Variants in HSF2 observed in about 807,000 individuals in gnomAD.
The protein encoded by HSF2 is heat shock factor protein 2.
Under a neutral mutation model 65.0 loss-of-function variants are expected in HSF2, and 21 were observed. The observed-to-expected ratio is 0.32, with a 90% CI of 0.23 to 0.47. The LOEUF (loss-of-function observed/expected upper bound fraction) is 0.47, where lower values mean the gene tolerates loss of function less well. Ranked by LOEUF, HSF2 falls within the 20% of genes least tolerant of loss-of-function variation. HSF2 has a pLI of 1.00. For synonymous variants in HSF2, 225 were observed against 219.1 expected (o/e 1.03, Z -0.24); for missense variants, 499 against 628.1 (o/e 0.79, Z 2.20).
chr6:122,412,776 T>TG lies in HSF2; in HGVS notation c.330+13dup. The TG allele has an allele frequency of 6.2e-7, 1 of 1,611,870 alleles. No homozygotes were observed. Among genetic ancestry groups the TG allele is most frequent in the Non-Finnish European group, 8.5e-7 (1 of 1,178,326 alleles). On this transcript the variant is annotated intron_variant, in intron 3 of 12. Transcript: ENST00000368455. Reference sequence around the variant, plus strand: ...ACATTAAAAGGAAGGTGAGCTATTGTGAACGTGAGCTAATTAGGGTATTGA... The same window carrying TG: ...ACATTAAAAGGAAGGTGAGCTATTGTGGAACGTGAGCTAATTAGGGTATTGA...
At chr6:122,419,828 A>AT (rs1759787069) in intron 6 of HSF2, among the ~76,000 whole-genome samples, 1 of 152,078 alleles carries the variant, frequency 6.6e-6, no homozygotes, top group African/African-American at 2.4e-5. Flanking sequence ...GATATTATCT[A>AT]TTTTTTTCTA....
chr6:122,422,754 T>C lies in HSF2; in HGVS notation c.867T>C (p.Asp289=). Residue 289 remains aspartate, a synonymous_variant, in exon 9 of 13, where the codon GAT becomes GAC. Coordinates refer to ENST00000368455, the MANE Select transcript of HSF2 (RefSeq NM_004506.4). The part of the protein sequence containing the change: ...SQYPDIVIVE[D]DNEDEYAPVI... Reference sequence around the variant, plus strand: ...ACCCTGATATTGTCATCGTTGAAGATGACAATGAAGATGAGTATGCACCTG... The same window carrying C: ...ACCCTGATATTGTCATCGTTGAAGACGACAATGAAGATGAGTATGCACCTG... 6.2e-7 allele frequency: 1 copy of C among 1,613,516 alleles called. No homozygotes were observed. The highest frequency in any genetic ancestry group is 8.5e-7 in the Non-Finnish European group (1 of 1,179,566).
At chr6:122,425,365 T>C (rs9490450) in intron 10 of HSF2, among the ~76,000 whole-genome samples, 1 of 152,086 alleles carries the variant, frequency 6.6e-6, no homozygotes, top group African/African-American at 2.4e-5. Context: ...CTTTTTGCTG[T>C]ATTAGTCCAT....
At chr6:122,413,323 A>ATT (rs2243360) in intron 3 of HSF2, among the ~76,000 whole-genome samples, 2 of 151,232 alleles carry the variant, frequency 1.3e-5, no homozygotes, top group African/African-American at 2.4e-5. Context: ...TTAAAAAAAA[A>ATT]TTTTTTTTAA....
chr6:122,400,042 G>T (rs1039634623), intron 1 of HSF2, among the ~76,000 whole-genome samples: 1 of 152,090 alleles, frequency 6.6e-6, no homozygotes, highest in Non-Finnish European at 1.5e-5. Flanking sequence ...TCCTCAGGCC[G>T]CGGTGGGGGA....
rs998652998 is a variant in HSF2 at position 122,432,934 on chromosome 6, T to A, written c.*714T>A. The A allele has an allele frequency of 1.3e-5, 2 of 152,186 alleles. No individual in the cohort carries two copies. The highest frequency in any genetic ancestry group is 2.9e-5 in the Non-Finnish European group (2 of 68,038). 9.4% of individuals were successfully genotyped at this position (152,186 alleles called of 1,614,324 possible). A position where few individuals can be genotyped will look rare whatever the true frequency, so the allele number is the denominator to read the frequency against. ...TGTTTTTTTGAACCATACTGTTTAG[T>A]AAAATAAATACAATGAATGTTGAGT... On this transcript the variant is annotated 3_prime_UTR_variant, in exon 13 of 13. Coordinates refer to ENST00000368455, the MANE Select transcript of HSF2 (RefSeq NM_004506.4).
intron 10 of HSF2, among the ~76,000 whole-genome samples, chr6:122,424,200 T>C (rs1436308855): frequency 6.6e-6 from 1 of 152,084 alleles, no homozygotes; most frequent in Non-Finnish European, 1.5e-5. Context: ...TGAAGTTGAC[T>C]TCAATATTGA....
intron 2 of HSF2, 54 bp downstream of exon 2, chr6:122,412,535 AT>A (rs773732981): frequency 3.5e-5 from 54 of 1,537,644 alleles, no homozygotes; most frequent in African/African-American, 4.1e-5. Context: ...TGATGAAGCC[AT>A]TTTTTTTCCC....
chr6:122,407,420 CTG>C (rs1403599138), intron 1 of HSF2, among the ~76,000 whole-genome samples: 1 of 152,146 alleles, frequency 6.6e-6, no homozygotes, highest in East Asian at 1.9e-4. Context: ...CTCTTCAAAA[CTG>C]TGTATTAGTT....
At chr6:122,410,361 T>C in intron 1 of HSF2, among the ~76,000 whole-genome samples, 1 of 152,026 alleles carries the variant, frequency 6.6e-6, no homozygotes, top group South Asian at 2.1e-4. Flanking sequence ...TTTAGATACT[T>C]AACATTTTTC....
chr6:122,430,424 G>A (rs1339550181), intron 11 of HSF2, among the ~76,000 whole-genome samples: 2 of 151,924 alleles, frequency 1.3e-5, no homozygotes, highest in Non-Finnish European at 2.9e-5. Context: ...TTAGAATAAC[G>A]GTGACGTCTT....
intron 10 of HSF2, among the ~76,000 whole-genome samples, chr6:122,425,599 T>A (rs1774321774): frequency 6.6e-6 from 1 of 152,096 alleles, no homozygotes; most frequent in Admixed American, 6.6e-5. Flanking sequence ...ATAGAACTTT[T>A]ATTGTTGATT....
At chr6:122,410,724 G>A (rs756036570) in intron 1 of HSF2, among the ~76,000 whole-genome samples, 18 of 151,854 alleles carry the variant, frequency 1.2e-4, no homozygotes, top group Non-Finnish European at 2.5e-4. Flanking sequence ...TTCTTTTCAT[G>A]TTGTAGCTTG....
Position 122,432,209 on chromosome 6 carries a change from T to G in HSF2, c.1600T>G (p.Leu534Val), listed in dbSNP as rs1774489228. ...ACCTCTGGATAGTGATATGCCACTTTTAGATAGCTAAATCCCCAGGAAGTG... is the reference window on the plus strand; with the variant it reads ...ACCTCTGGATAGTGATATGCCACTTGTAGATAGCTAAATCCCCAGGAAGTG... ...PAPLDSDMPL[L>V]DS is the part of the protein sequence containing the mutation. Residue 534 changes from leucine (L) to valine (V), a missense_variant, in exon 13 of 13, where the codon TTA becomes GTA. Physicochemically the swap from Leu to Val is conservative, Grantham distance 32. Around this residue, in one of 2 missense-constraint regions of HSF2, gnomAD observed 349 missense variants for 393.5 expected, o/e 0.89. Transcript: ENST00000368455. 6.2e-7 allele frequency: 1 copy of G among 1,610,688 alleles called. No individual in the cohort carries two copies. Among genetic ancestry groups the G allele is most frequent in the East Asian group, 2.2e-5 (1 of 44,818 alleles).
chr6:122,400,928 C>T (rs574652934), intron 1 of HSF2, among the ~76,000 whole-genome samples: 1 of 152,322 alleles, frequency 6.6e-6, no homozygotes, highest in East Asian at 1.9e-4. Context: ...ATCTCCCGTC[C>T]TCCTTTCTTT....
rs1397824451 is a variant in HSF2 at position 122,420,241 on chromosome 6, T to G, written c.681+19T>G. 2 of 1,561,496 alleles carry G rather than the reference T, an allele frequency of 1.3e-6. No individual in the cohort carries two copies. Among genetic ancestry groups the G allele is most frequent in the Non-Finnish European group, 1.8e-6 (2 of 1,138,348 alleles). ...TCATAAAGTAATTTTTTAGTTAGGG[T>G]CTATTTTATATTTATTGTCTCAGAC... is the stretch of plus-strand genomic sequence containing the variant. On this transcript the variant is annotated intron_variant, in intron 7 of 12. Transcript: ENST00000368455.
chr6:122,419,478 A>T (rs775734882), intron 6 of HSF2, among the ~76,000 whole-genome samples: 2 of 152,202 alleles, frequency 1.3e-5, no homozygotes, highest in Non-Finnish European at 1.5e-5. Context: ...GTTAATACAA[A>T]ATATTCACTT....
chr6:122,407,957 A>G (rs551689091), intron 1 of HSF2, among the ~76,000 whole-genome samples: 13 of 91,928 alleles, frequency 1.4e-4, no homozygotes, highest in African/African-American at 4.7e-4. Flanking sequence ...TGTCTTCCCA[A>G]TGGCAGAGAG....
chr6:122,432,706 C>A lies in HSF2; in HGVS notation c.*486C>A, dbSNP rs1476007173. ...AAAGTGCCTGTATCTTGTAAAACTT[C>A]ATTTGTTTCTTTTGGTTCAGAGAAG... On this transcript the variant is annotated 3_prime_UTR_variant, in exon 13 of 13. Transcript: ENST00000368455. The A allele has an allele frequency of 5.9e-5, 9 of 153,570 alleles. No homozygotes were observed. Among genetic ancestry groups the A allele is most frequent in the African/African-American group, 1.7e-4 (7 of 41,452 alleles). 9.5% of individuals were successfully genotyped at this position (153,570 alleles called of 1,614,324 possible). A position where few individuals can be genotyped will look rare whatever the true frequency, so the allele number is the denominator to read the frequency against.
Sources: allele counts gnomAD v4.1 joint callset (sites outside exome capture counted in the v4.1 genomes callset), GRCh38; gene constraint gnomAD v4.1.1; regional missense constraint gnomAD v4.1.1; transcripts MANE v1.5; gene names NCBI Gene and HGNC (gene_info 2026-07-23, HGNC 2026-07-21).